The following N4BP1 variants were observed in gnomAD, a reference collection of about 807,000 sequenced individuals.
N4BP1 encodes the protein NEDD4 binding protein 1.
N4BP1 carries 21 observed loss-of-function variants against 70.9 expected under a neutral mutation model. The observed-to-expected ratio is 0.30, with a 90% CI of 0.21 to 0.43. The LOEUF (loss-of-function observed/expected upper bound fraction) is 0.43. N4BP1 is among the 20% of genes least tolerant of loss of function. The probability of loss-of-function intolerance (pLI) is 1.00; values close to 1 mark genes in which losing one functional copy is unlikely to be tolerated. For missense variants in N4BP1, 936 were observed against 1,069.4 expected (o/e 0.88, Z 1.74); for synonymous variants, 387 against 394.6 (o/e 0.98, Z 0.23).
In N4BP1 at chr16:48,561,758, C is replaced by T. The variant is rs757405620; in HGVS notation, c.885G>A (p.Thr295=). ...RRFSDSEERH[T]KKQFSLENVQ... is the part of the protein sequence containing the mutation. ...CATTTTCCAAAGAAAACTGCTTCTT[C>T]GTATGCCTTTCTTCAGAATCAGAAA... The change falls in exon 2 of 7, where the codon ACG becomes ACA. Residue 295 remains threonine (T), a synonymous_variant. Transcript: ENST00000262384. 28 of 1,612,362 alleles carry T rather than the reference C, an allele frequency of 1.7e-5. No homozygotes were observed. Among genetic ancestry groups the T allele is most frequent in the South Asian group, 3.3e-5 (3 of 91,086 alleles).
In N4BP1 at chr16:48,548,037, G is replaced by A. The variant is rs765768037; in HGVS notation, c.2195C>T (p.Ser732Leu). ...TGTAATAATTTCTCTCCAAGAGACT[G>A]ACTCATTCACAAATTCTCTGAAATT... Reference protein sequence around the residue: ...NDNFREFVNESVSWREIITKR... With the variant: ...NDNFREFVNELVSWREIITKR... Residue 732 changes from serine (S) to leucine (L), a missense_variant, in exon 5 of 7, where the codon TCA (serine) becomes TTA (leucine). Transcript: ENST00000262384. 17 of 1,607,742 alleles carry A rather than the reference G, an allele frequency of 1.1e-5. No homozygotes were observed. Among genetic ancestry groups the A allele is most frequent in the Non-Finnish European group, 9.4e-6 (11 of 1,174,292 alleles).
At chr16:48,545,957 G>A (rs151325191) in intron 6 of N4BP1, 190 bp downstream of exon 6, 108 of 443,590 alleles carry the variant, frequency 2.4e-4, no homozygotes, top group African/African-American at 1.9e-3. Context: ...AGCCCAGTGG[G>A]GCAAAGGTTG....
At chr16:48,554,939 C>T (rs899468042) in intron 2 of N4BP1, among the ~76,000 whole-genome samples, 3 of 152,200 alleles carry the variant, frequency 2.0e-5, no homozygotes, top group Non-Finnish European at 4.4e-5. Context: ...TCGTCTGACT[C>T]GTCAGAAAGG....
intron 1 of N4BP1, among the ~76,000 whole-genome samples, chr16:48,608,018 C>T (rs1452830812): frequency 1.3e-5 from 2 of 152,164 alleles, no homozygotes; most frequent in East Asian, 3.9e-4. Flanking sequence ...CGTACCACCA[C>T]GCCGGGCTAA....
At chr16:48,587,459 A>G (rs1431414001) in intron 1 of N4BP1, 2 of 152,232 alleles carry the variant, frequency 1.3e-5, no homozygotes, top group African/African-American at 4.8e-5. Flanking sequence ...CAGGTATAGG[A>G]AGAAGCCCCT....
At position 48,542,948 on chromosome 16, in the gene N4BP1, A is replaced by T; in HGVS notation, c.2647T>A (p.Tyr883Asn). 6.2e-7 allele frequency: 1 copy of T among 1,613,572 alleles called. No homozygotes were observed. Among genetic ancestry groups the T allele is most frequent in the Non-Finnish European group, 8.5e-7 (1 of 1,179,546 alleles). ...KIDQILVAHP[Y>N]MKDLNALSAM... ...GAAAGCGCATTTAGATCTTTCATGT[A>T]TGGGTGGGCCACCAAGATCTGGTCT... The change falls in exon 7 of 7, where the codon TAC (tyrosine) becomes AAC (asparagine). Residue 883 changes from tyrosine to asparagine, a missense_variant. Tyr to Asn is a moderately radical substitution (Grantham distance 143). This residue lies in a region of N4BP1 where 229 missense variants were observed against 343.5 expected (regional missense o/e 0.67). Coordinates refer to ENST00000262384, the MANE Select transcript of N4BP1 (RefSeq NM_153029.4).
At position 48,542,753 on chromosome 16, in the gene N4BP1, A is replaced by G; in HGVS notation, c.*151T>C. ...AGAAAAAAGCTGGTTTTGAAAACCC[A>G]GATTTATACCCAAAACATTTTTTTT... On this transcript the variant is annotated 3_prime_UTR_variant, in exon 7 of 7. Coordinates refer to ENST00000262384, the MANE Select transcript of N4BP1 (RefSeq NM_153029.4). The G allele has an allele frequency of 1.5e-6, 1 of 646,920 alleles. No individual in the cohort carries two copies. The highest frequency in any genetic ancestry group is 3.6e-5 in the Admixed American group (1 of 27,450). 40.1% of individuals were successfully genotyped at this position (646,920 alleles called of 1,614,324 possible).
At chr16:48,589,767 A>G (rs1371750651) in intron 1 of N4BP1, among the ~76,000 whole-genome samples, 2 of 152,230 alleles carry the variant, frequency 1.3e-5, no homozygotes, top group Non-Finnish European at 2.9e-5. Context: ...GACTGGTGAA[A>G]CCACCTTTGC....
Position 48,562,035 on chromosome 16 carries a change from T to G in N4BP1, c.608A>C (p.Glu203Ala). ...EENLFETGDD[E>A]VIEMRDSQQT... ...TTGAGAATCTCTCATTTCAATAACC[T>G]CATCATCTCCTGTTTCAAAGAGATT... Residue 203 changes from glutamate (E) to alanine (A), a missense_variant, in exon 2 of 7, where the codon GAG becomes GCG. Coordinates refer to ENST00000262384, the MANE Select transcript of N4BP1 (RefSeq NM_153029.4). The G allele has an allele frequency of 1.9e-6, 3 of 1,613,894 alleles. No individual in the cohort carries two copies. The highest frequency in any genetic ancestry group is 2.2e-5 in the South Asian group (2 of 91,080).
intron 2 of N4BP1, among the ~76,000 whole-genome samples, chr16:48,555,617 G>A (rs1963740421): frequency 6.6e-6 from 1 of 152,290 alleles, no homozygotes; most frequent in South Asian, 2.1e-4. Context: ...AATATGGCAA[G>A]AAGGTAACAA....
At chr16:48,564,648 G>A (rs1402709231) in intron 1 of N4BP1, among the ~76,000 whole-genome samples, 2 of 151,926 alleles carry the variant, frequency 1.3e-5, no homozygotes, top group Non-Finnish European at 2.9e-5. Context: ...CAGTTCCTTT[G>A]TCTTCCCATA....
chr16:48,591,820 G>A (rs1456680724), intron 1 of N4BP1, among the ~76,000 whole-genome samples: 1 of 149,990 alleles, frequency 6.7e-6, no homozygotes, highest in Non-Finnish European at 1.5e-5. Flanking sequence ...AACCCCAGGA[G>A]TTGAAAGTGG....
chr16:48,581,832 G>A, intron 1 of N4BP1, among the ~76,000 whole-genome samples: 1 of 151,962 alleles, frequency 6.6e-6, no homozygotes. Flanking sequence ...TAAAGGTTAA[G>A]ACTCCAAACT....
chr16:48,560,531 C>T (rs1347110270), intron 2 of N4BP1: 1 of 509,068 alleles, frequency 2.0e-6, no homozygotes, highest in Non-Finnish European at 3.4e-6. Context: ...CTCTCTTGCC[C>T]TTAGAAATTA....
At chr16:48,595,392 G>A (rs1307911030) in intron 1 of N4BP1, among the ~76,000 whole-genome samples, 1 of 140,786 alleles carries the variant, frequency 7.1e-6, no homozygotes, top group East Asian at 2.1e-4. Context: ...AGGGGGCAGA[G>A]GTTGTAGTGA....
intron 1 of N4BP1, among the ~76,000 whole-genome samples, chr16:48,564,317 C>T (rs1963906849): frequency 6.6e-6 from 1 of 152,292 alleles, no homozygotes; most frequent in Admixed American, 6.5e-5. Context: ...TACATTTAAA[C>T]CTATGATCCA....
chr16:48,552,677 GAC>G (rs1963688891), intron 3 of N4BP1, among the ~76,000 whole-genome samples: 1 of 110,108 alleles, frequency 9.1e-6, no homozygotes, highest in African/African-American at 3.6e-5. Flanking sequence ...CAGCCTGAGC[GAC>G]AGAGCGAGAC....
rs1410785171 is a variant in N4BP1, at chr16:48,561,353, T to C, written c.1290A>G (p.Thr430=). ...CCATATTTTGCTGTGTGTGAGCCTG[T>C]GTTTTCTTTGGAGTGGAATCAGTTG... ...ELTTDSTPKK[T]QAHTQQNMVE... Residue 430 remains threonine, a synonymous_variant, in exon 2 of 7, where the codon ACA becomes ACG. Transcript: ENST00000262384. 1 of 1,613,856 alleles carries C rather than the reference T, an allele frequency of 6.2e-7. No homozygotes were observed. Among genetic ancestry groups the C allele is most frequent in the East Asian group, 2.2e-5 (1 of 44,892 alleles).
chr16:48,556,292 C>A (rs979089097), intron 2 of N4BP1, among the ~76,000 whole-genome samples: 1 of 152,106 alleles, frequency 6.6e-6, no homozygotes, highest in African/African-American at 2.4e-5. Context: ...AAATTATTGT[C>A]CTCAAAATAA....
Sources: gnomAD v4.1 joint callset for allele counts (sites outside exome capture counted in the v4.1 genomes callset) on GRCh38, gnomAD v4.1.1 for gene constraint, gnomAD v4.1.1 regional missense constraint, MANE v1.5 for transcripts, NCBI Gene and HGNC (gene_info 2026-07-23, HGNC 2026-07-21) for gene names.